PARD3: variants seen among roughly 807,000 people sequenced by gnomAD.
The protein encoded by PARD3 is partitioning defective 3 homolog.
In PARD3, 75 loss-of-function variants were observed where a neutral mutation model predicts 155.4. The observed-to-expected ratio is 0.48, with a 90% confidence interval of 0.40 to 0.58. PARD3 has a LOEUF of 0.58. PARD3 is among the 20% of genes least tolerant of loss of function. The pLI, the probability that PARD3 is intolerant of heterozygous loss-of-function variation, is 0.00. For missense variants in PARD3, 1,642 were observed against 1,721.7 expected (o/e 0.95, Z 0.82); for synonymous variants, 576 against 610.5 (o/e 0.94, Z 0.83).
intron 1 of PARD3, among the ~76,000 whole-genome samples, chr10:34,773,910 T>C (rs1386785950): frequency 6.6e-6 from 1 of 152,210 alleles, no homozygotes; most frequent in Non-Finnish European, 1.5e-5. Context: ...CATCACTGAT[T>C]AGTTGGATAA....
At chr10:34,155,668 ATGTGTGTGTGTGTGTGTGTGTGTG>A (rs3039232) in intron 22 of PARD3, among the ~76,000 whole-genome samples, 32 of 140,346 alleles carry the variant, frequency 2.3e-4, no homozygotes, top group African/African-American at 7.4e-4. Flanking sequence ...CCCTCTAAAA[ATGTGTGTGTGTGTGTGTGTGTGTG>A]TGTGTGTGTG....
rs144978592 is a variant in PARD3 at position 34,417,986 on chromosome 10, T to C, written c.715-16069A>G. 6.3e-3 allele frequency among the ~76,000 whole-genome samples: 958 copies of C among 152,234 alleles called. 7 individuals carry two copies. Among genetic ancestry groups the C allele is most frequent in the African/African-American group, 0.021 (870 of 41,556 alleles). ...GCATATTCATAAAAACTTAAGTTCA[T>C]AAAAATAAATCTATTTCAGAGCTAT... On this transcript the variant is annotated intron_variant, in intron 5 of 24. Transcript: ENST00000374788.
intron 3 of PARD3, among the ~76,000 whole-genome samples, chr10:34,482,449 G>A (rs1250999275): frequency 6.6e-6 from 1 of 151,984 alleles, no homozygotes; most frequent in Non-Finnish European, 1.5e-5. Context: ...GGGATTACAG[G>A]TGTGAGCCCC....
intron 21 of PARD3, among the ~76,000 whole-genome samples, chr10:34,276,378 C>G (rs1468324462): frequency 6.6e-6 from 1 of 152,042 alleles, no homozygotes; most frequent in African/African-American, 2.4e-5. Flanking sequence ...TCACTAAATT[C>G]ATGCTAACAG....
chr10:34,304,016 G>A (rs534632087), intron 20 of PARD3, among the ~76,000 whole-genome samples: 3 of 152,244 alleles, frequency 2.0e-5, no homozygotes, highest in South Asian at 2.1e-4. Context: ...CAGGGAATGC[G>A]CAGCACAGAG....
intron 2 of PARD3, among the ~76,000 whole-genome samples, chr10:34,536,516 C>T (rs1181160148): frequency 6.6e-6 from 1 of 152,196 alleles, no homozygotes; most frequent in Non-Finnish European, 1.5e-5. Flanking sequence ...TTTCTAAAAA[C>T]ACTATTTAAA....
intron 1 of PARD3, among the ~76,000 whole-genome samples, chr10:34,716,065 C>T (rs7910214): frequency 0.037 from 5,586 of 152,186 alleles, 361 homozygotes; most frequent in African/African-American, 0.13. Flanking sequence ...TTTTAAAGTA[C>T]GGGCTCCAAG....
chr10:34,538,784 C>A (rs909714130), intron 2 of PARD3, among the ~76,000 whole-genome samples: 1 of 152,198 alleles, frequency 6.6e-6, no homozygotes, highest in Admixed American at 6.5e-5. Flanking sequence ...AGGCGCCGCT[C>A]CGGCAGGGCA....
At chr10:34,634,992 C>T (rs2092416094) in intron 2 of PARD3, among the ~76,000 whole-genome samples, 1 of 152,236 alleles carries the variant, frequency 6.6e-6, no homozygotes, top group African/African-American at 2.4e-5. Context: ...GAATGGCGGC[C>T]TACACTGGGT....
intron 23 of PARD3, among the ~76,000 whole-genome samples, chr10:34,127,411 C>T (rs1254476948): frequency 1.3e-5 from 2 of 152,154 alleles, no homozygotes; most frequent in Non-Finnish European, 2.9e-5. Context: ...CTCACAGCTC[C>T]GTGGTTCTCA....
chr10:34,528,359 T>TA (rs1161556218), intron 2 of PARD3, among the ~76,000 whole-genome samples: 1 of 152,162 alleles, frequency 6.6e-6, no homozygotes, highest in Non-Finnish European at 1.5e-5. Flanking sequence ...TGACCCAGAA[T>TA]AATGGAGATG....
intron 15 of PARD3, 28 bp downstream of exon 15, chr10:34,347,937 G>A (rs760317246): frequency 1.9e-6 from 3 of 1,584,188 alleles, no homozygotes; most frequent in Admixed American, 1.7e-5. Flanking sequence ...AAAATAAGAT[G>A]TGATAAACAG....
At chr10:34,195,750 T>C (rs897965222) in intron 22 of PARD3, among the ~76,000 whole-genome samples, 9 of 152,148 alleles carry the variant, frequency 5.9e-5, no homozygotes, top group African/African-American at 1.9e-4. Context: ...AACATCCCAA[T>C]CCAAATTTTA....
chr10:34,336,193 T>G lies in PARD3; in HGVS notation c.2605+6A>C. On this transcript the variant is annotated splice_donor_region_variant and intron_variant, in intron 18 of 24. Transcript: ENST00000374788. ...CTATGGCAACAGTCTAACTGTCCATTCTTACCTGCTTTCTGGTCATCCACT... is the reference window on the plus strand; with the variant it reads ...CTATGGCAACAGTCTAACTGTCCATGCTTACCTGCTTTCTGGTCATCCACT... 6.2e-7 allele frequency: 1 copy of G among 1,610,194 alleles called. No individual in the cohort carries two copies. Among genetic ancestry groups the G allele is most frequent in the Non-Finnish European group, 8.5e-7 (1 of 1,176,686 alleles).
intron 12 of PARD3, among the ~76,000 whole-genome samples, chr10:34,370,420 T>G (rs888827697): frequency 6.6e-6 from 1 of 152,116 alleles, no homozygotes; most frequent in Non-Finnish European, 1.5e-5. Flanking sequence ...TCAACACGAC[T>G]GACTACATGT....
intron 1 of PARD3, among the ~76,000 whole-genome samples, chr10:34,775,488 A>G (rs887796328): frequency 6.6e-6 from 1 of 152,174 alleles, no homozygotes; most frequent in Non-Finnish European, 1.5e-5. Context: ...CAGCCTGGAC[A>G]TCAGAGCAAG....
At chr10:34,679,378 G>A (rs1173454599) in intron 2 of PARD3, among the ~76,000 whole-genome samples, 2 of 152,040 alleles carry the variant, frequency 1.3e-5, no homozygotes, top group Non-Finnish European at 2.9e-5. Flanking sequence ...AGTCAGCAGG[G>A]TGTGAGAGCA....
intron 1 of PARD3, among the ~76,000 whole-genome samples, chr10:34,746,804 C>T (rs1590928294): frequency 1.3e-5 from 2 of 152,154 alleles, no homozygotes; most frequent in South Asian, 4.1e-4. Context: ...TTGGAAATAA[C>T]ATAAAACATA....
At chr10:34,739,835 G>A (rs906145825) in intron 1 of PARD3, among the ~76,000 whole-genome samples, 1 of 152,130 alleles carries the variant, frequency 6.6e-6, no homozygotes, top group African/African-American at 2.4e-5. Context: ...ATGCATAGAG[G>A]ATCTCTCTGC....
Sources: gnomAD v4.1 joint callset for allele counts (sites outside exome capture counted in the v4.1 genomes callset) on GRCh38, gnomAD v4.1.1 for gene constraint, MANE v1.5 for transcripts, NCBI Gene and HGNC (gene_info 2026-07-23, HGNC 2026-07-21) for gene names.